Variants in GNB1 observed in about 807,000 individuals in gnomAD.
GNB1 encodes the protein guanine nucleotide-binding protein G(I)/G(S)/G(T) subunit beta-1.
Under a neutral mutation model 42.9 loss-of-function variants are expected in GNB1, and 2 were observed. The observed-to-expected ratio is 0.05, with a 90% CI of 0.02 to 0.15. The LOEUF is 0.15. GNB1 is among the 10% of genes least tolerant of loss of function. GNB1 has a pLI of 1.00. For synonymous variants in GNB1, 183 were observed against 174.7 expected (o/e 1.05, Z -0.38); for missense variants, 193 against 462.2 (o/e 0.42, Z 5.34).
intron 2 of GNB1, among the ~76,000 whole-genome samples, chr1:1,826,000 C>T (rs1429653057): frequency 6.6e-6 from 1 of 152,100 alleles, no homozygotes; most frequent in South Asian, 2.1e-4. Flanking sequence ...TATTTATTGG[C>T]TTTGCATAAT....
intron 1 of GNB1, among the ~76,000 whole-genome samples, chr1:1,877,651 A>C (rs941893309): frequency 6.6e-6 from 1 of 152,074 alleles, no homozygotes; most frequent in African/African-American, 2.4e-5. Flanking sequence ...AATTTACTAC[A>C]ATGAACATTT....
At chr1:1,807,079 C>T (rs1365199669) in intron 5 of GNB1, among the ~76,000 whole-genome samples, 2 of 152,132 alleles carry the variant, frequency 1.3e-5, no homozygotes, top group Admixed American at 1.3e-4. Context: ...AGATGCCTGG[C>T]CCCAACCGAA....
rs1380160228 is a variant in GNB1 at position 1,885,549 on chromosome 1, A to ATTTTTT, written c.-96+5270_-96+5271insAAAAAA. ...ATAAATAAGGAAATACTTCCACTTA[A>ATTTTTT]TCTTTTTTTTTTTTTTTTTTTTTGT... On this transcript the variant is annotated intron_variant, in intron 1 of 11. Coordinates refer to ENST00000378609, the MANE Select transcript of GNB1 (RefSeq NM_002074.5). Among the ~76,000 whole-genome samples the ATTTTTT allele has an allele frequency of 4.4e-3, 621 of 140,548 alleles. 3 individuals are homozygous for ATTTTTT. Among genetic ancestry groups the ATTTTTT allele is most frequent in the African/African-American group, 0.015 (604 of 39,056 alleles). The allele number at this position is 140,548 out of a possible 152,430, so 92.2% of individuals were successfully genotyped here. A position where few individuals can be genotyped will look rare whatever the true frequency, so the allele number is the denominator to read the frequency against.
At chr1:1,788,066 AAAGCAATCTGTAACAC>A (rs1167080169) in intron 10 of GNB1, 1 of 152,184 alleles carries the variant, frequency 6.6e-6, no homozygotes, top group Non-Finnish European at 1.5e-5. Flanking sequence ...CCCCAATCTC[AAAGCAATCTGTAACAC>A]AGGAGCTTAG....
chr1:1,811,684 A>G (rs1240330231), intron 5 of GNB1, among the ~76,000 whole-genome samples: 3 of 151,326 alleles, frequency 2.0e-5, no homozygotes, highest in Non-Finnish European at 4.4e-5. Context: ...CGACAGTGAG[A>G]CTCCGTCTCA....
intron 2 of GNB1, among the ~76,000 whole-genome samples, chr1:1,829,120 AAT>A (rs1430233122): frequency 6.6e-6 from 1 of 152,104 alleles, no homozygotes; most frequent in Non-Finnish European, 1.5e-5. Context: ...GCAATGATGC[AAT>A]CTCTGCTCAC....
intron 1 of GNB1, among the ~76,000 whole-genome samples, chr1:1,879,742 GA>G (rs1210613848): frequency 6.6e-6 from 1 of 150,678 alleles, no homozygotes; most frequent in Non-Finnish European, 1.5e-5. Flanking sequence ...TATTTTCTAA[GA>G]AAAATAATCT....
chr1:1,785,683 C>T lies in GNB1; in HGVS notation c.*1380G>A. 1 of 286,488 alleles carries T rather than the reference C, an allele frequency of 3.5e-6. No homozygotes were observed. The allele number at this position is 286,488 out of a possible 1,614,324, so 17.7% of individuals were successfully genotyped here. ...ACAATCTGTGTGTGATGGGAATGAG[C>T]CACCTCAGATGTGGAGGGCCCTGAA... On this transcript the variant is annotated 3_prime_UTR_variant, in exon 12 of 12. Coordinates refer to ENST00000378609, the MANE Select transcript of GNB1 (RefSeq NM_002074.5).
chr1:1,875,230 C>T (rs1269793659), intron 1 of GNB1, among the ~76,000 whole-genome samples: 4 of 151,922 alleles, frequency 2.6e-5, no homozygotes, highest in Non-Finnish European at 5.9e-5. Flanking sequence ...CTTGCTCTGC[C>T]TACCAGTCTG....
At chr1:1,805,557 C>T (rs529346791) in intron 6 of GNB1, among the ~76,000 whole-genome samples, 2 of 151,492 alleles carry the variant, frequency 1.3e-5, no homozygotes, top group African/African-American at 4.8e-5. Flanking sequence ...ATTTTTTTTT[C>T]GAGATGGAGT....
At chr1:1,850,412 G>C (rs1276126177) in intron 1 of GNB1, among the ~76,000 whole-genome samples, 1 of 151,846 alleles carries the variant, frequency 6.6e-6, no homozygotes, top group East Asian at 1.9e-4. Flanking sequence ...GGATTACAAG[G>C]GTGAGCCACC....
In GNB1 at chr1:1,790,867, G is replaced by C. The variant is rs1268707441; in HGVS notation, c.498-271C>G. Among the ~76,000 whole-genome samples the C allele has an allele frequency of 1.3e-5, 2 of 152,182 alleles. No homozygotes were observed. The highest frequency in any genetic ancestry group is 4.8e-5 in the African/African-American group (2 of 41,438). On this transcript the variant is annotated intron_variant, in intron 8 of 11. Coordinates refer to ENST00000378609, the MANE Select transcript of GNB1 (RefSeq NM_002074.5). The surrounding 1 kb of genome is among the most constrained non-coding windows in gnomAD (Gnocchi z 5.4). ...ACCTCAACTCAAATGCCAGCAAACAGGGAGCTGGGGGCACTTTTCAAGCAG... is the reference window on the plus strand; with the variant it reads ...ACCTCAACTCAAATGCCAGCAAACACGGAGCTGGGGGCACTTTTCAAGCAG...
intron 2 of GNB1, 121 bp from the exon 3 acceptor site, chr1:1,825,620 T>C (rs1646987581): frequency 1.6e-6 from 1 of 625,976 alleles, no homozygotes; most frequent in South Asian, 1.7e-5. Flanking sequence ...ATCCCAGCAC[T>C]TTGGGAGGCC....
At chr1:1,871,142 C>T (rs1197103575) in intron 1 of GNB1, among the ~76,000 whole-genome samples, 6 of 152,114 alleles carry the variant, frequency 3.9e-5, no homozygotes, top group African/African-American at 1.2e-4. Context: ...CACCTAGTAC[C>T]TGCAGTCCTT....
chr1:1,866,324 T>C (rs1210049673), intron 1 of GNB1, among the ~76,000 whole-genome samples: 1 of 152,260 alleles, frequency 6.6e-6, no homozygotes, highest in Non-Finnish European at 1.5e-5. Flanking sequence ...CTTCCAGACT[T>C]TGATACATAT....
chr1:1,879,774 AT>A (rs1213944187), intron 1 of GNB1, among the ~76,000 whole-genome samples: 1 of 151,896 alleles, frequency 6.6e-6, no homozygotes, highest in African/African-American at 2.4e-5. Context: ...CATATTTTAC[AT>A]TTTACATTTA....
At chr1:1,832,151 CG>C (rs1270622316) in intron 2 of GNB1, 1 of 151,818 alleles carries the variant, frequency 6.6e-6, no homozygotes, top group Admixed American at 6.6e-5. Flanking sequence ...CTATTAGTCA[CG>C]TTTTTCTACT....
At chr1:1,817,094 A>G (rs752157838) in intron 4 of GNB1, among the ~76,000 whole-genome samples, 2 of 152,012 alleles carry the variant, frequency 1.3e-5, no homozygotes, top group Non-Finnish European at 2.9e-5. Flanking sequence ...CTCCCTGTTC[A>G]CTTCCTCTCC....
At chr1:1,866,508 A>G (rs9660106) in intron 1 of GNB1, among the ~76,000 whole-genome samples, 59,557 of 152,020 alleles carry the variant, frequency 0.39, 14,403 homozygotes, top group Admixed American at 0.55. Flanking sequence ...CCTTAATTTA[A>G]CCAATCTATT....
Sources: allele counts gnomAD v4.1 joint callset (sites outside exome capture counted in the v4.1 genomes callset), GRCh38; gene constraint gnomAD v4.1.1; non-coding constraint Gnocchi (gnomAD v3.1); transcripts MANE v1.5; gene names NCBI Gene and HGNC (gene_info 2026-07-23, HGNC 2026-07-21).